Variants in DLG2 observed in about 807,000 individuals in gnomAD.
The protein encoded by DLG2 is disks large homolog 2.
In DLG2, 45 loss-of-function variants were observed where a neutral mutation model predicts 132.5. The observed-to-expected ratio is 0.34, with a 90% CI of 0.27 to 0.44. DLG2 has a LOEUF of 0.44. DLG2 is among the 20% of genes least tolerant of loss of function. The pLI is 1.00. For missense variants in DLG2, 1,045 were observed against 1,196.9 expected (o/e 0.87, Z 1.87); for synonymous variants, 424 against 419.6 (o/e 1.01, Z -0.13).
chr11:83,910,934 A>G (rs1283410941), intron 15 of DLG2, among the ~76,000 whole-genome samples: 3 of 152,128 alleles, frequency 2.0e-5, no homozygotes, highest in African/African-American at 7.2e-5. Context: ...CAAGAGGTTT[A>G]CATTAATATA....
intron 7 of DLG2, among the ~76,000 whole-genome samples, chr11:84,449,832 A>C (rs936144635): frequency 6.6e-6 from 1 of 151,910 alleles, no homozygotes; most frequent in Non-Finnish European, 1.5e-5. Context: ...TAAATAACAC[A>C]ATAAAAATAA....
intron 3 of DLG2, among the ~76,000 whole-genome samples, chr11:85,529,753 C>T (rs1357613728): frequency 1.3e-5 from 2 of 152,126 alleles, no homozygotes; most frequent in Non-Finnish European, 2.9e-5. Flanking sequence ...ACTTTCCTTT[C>T]CTCAAACACT....
intron 6 of DLG2, chr11:84,545,636 T>C (rs2099388116): frequency 3.2e-6 from 1 of 314,688 alleles, no homozygotes; most frequent in Admixed American, 3.3e-5. Context: ...CATAGAGTCA[T>C]GGTCCTTAAG....
chr11:84,182,862 G>GA (rs200692623), intron 8 of DLG2, among the ~76,000 whole-genome samples: 5 of 150,408 alleles, frequency 3.3e-5, no homozygotes, highest in African/African-American at 9.8e-5. Flanking sequence ...GGCTAATTAA[G>GA]AAAAAAAATG....
chr11:83,707,927 G>C (rs1566633094), intron 18 of DLG2, among the ~76,000 whole-genome samples: 1 of 152,162 alleles, frequency 6.6e-6, no homozygotes, highest in Non-Finnish European at 1.5e-5. Flanking sequence ...GCCTGAGTTA[G>C]AGTCCCACCT....
intron 6 of DLG2, among the ~76,000 whole-genome samples, chr11:84,775,876 G>T (rs1444637036): frequency 1.3e-5 from 2 of 152,106 alleles, no homozygotes; most frequent in Admixed American, 1.3e-4. Context: ...CCATGTACCC[G>T]CAGAATCTAA....
chr11:84,177,671 C>G (rs2096007315), intron 8 of DLG2, among the ~76,000 whole-genome samples: 2 of 152,146 alleles, frequency 1.3e-5, no homozygotes, highest in Admixed American at 1.3e-4. Context: ...CTAAGTTTGA[C>G]TCTGCCAGTT....
At chr11:83,974,972 G>A (rs928111697) in intron 12 of DLG2, among the ~76,000 whole-genome samples, 6 of 152,114 alleles carry the variant, frequency 3.9e-5, no homozygotes, top group Admixed American at 3.9e-4. Context: ...TTCTTCAAAT[G>A]TCGAGCAGGG....
intron 7 of DLG2, among the ~76,000 whole-genome samples, chr11:84,510,509 C>G (rs1342212707): frequency 6.6e-6 from 1 of 152,104 alleles, no homozygotes; most frequent in East Asian, 1.9e-4. Flanking sequence ...TACTACTAAC[C>G]TTGTATGATT....
intron 15 of DLG2, among the ~76,000 whole-genome samples, chr11:83,885,995 T>C (rs2067749864): frequency 6.6e-6 from 1 of 152,202 alleles, no homozygotes; most frequent in South Asian, 2.1e-4. Flanking sequence ...TGAAAAATCA[T>C]GCCAAATTGT....
chr11:84,230,157 T>C (rs1055318165), intron 8 of DLG2, among the ~76,000 whole-genome samples: 3 of 152,230 alleles, frequency 2.0e-5, no homozygotes, highest in Non-Finnish European at 4.4e-5. Flanking sequence ...CCTGTCATGA[T>C]AGAACAGTAA....
intron 15 of DLG2, among the ~76,000 whole-genome samples, chr11:83,923,493 T>C (rs960728536): frequency 1.6e-4 from 25 of 152,126 alleles, no homozygotes; most frequent in Non-Finnish European, 4.4e-5. Context: ...ACCTTGCCAC[T>C]ACCTCAAACA....
intron 22 of DLG2, chr11:83,483,301 G>T: frequency 1.2e-6 from 2 of 1,611,366 alleles, no homozygotes; most frequent in Non-Finnish European, 1.7e-6. Flanking sequence ...GGGATGTCCT[G>T]CATGGAAGTC....
At chr11:83,702,263 G>T (rs2083091172) in intron 18 of DLG2, among the ~76,000 whole-genome samples, 1 of 152,102 alleles carries the variant, frequency 6.6e-6, no homozygotes, top group South Asian at 2.1e-4. Flanking sequence ...ATGGGGTGTG[G>T]TGAAATGACC....
chr11:84,060,484 G>A (rs537522998), intron 10 of DLG2, among the ~76,000 whole-genome samples: 10 of 150,784 alleles, frequency 6.6e-5, no homozygotes, highest in African/African-American at 2.4e-4. Flanking sequence ...CCTGTTCCTA[G>A]GTGCTTACTT....
intron 16 of DLG2, among the ~76,000 whole-genome samples, chr11:83,865,100 C>T (rs970181357): frequency 6.6e-6 from 1 of 152,152 alleles, no homozygotes; most frequent in African/African-American, 2.4e-5. Context: ...ACCCCTCTGA[C>T]CACGACTTTT....
chr11:83,670,438 A>G (rs1213405633), intron 18 of DLG2, among the ~76,000 whole-genome samples: 2 of 152,126 alleles, frequency 1.3e-5, no homozygotes, highest in African/African-American at 4.8e-5. Context: ...CTTCTTGGTC[A>G]CCATGATAGG....
chr11:84,043,120 C>T (rs2096137813), intron 11 of DLG2, among the ~76,000 whole-genome samples: 1 of 150,648 alleles, frequency 6.6e-6, no homozygotes, highest in Non-Finnish European at 1.5e-5. Context: ...AAATTTATTG[C>T]TTAAATTTAT....
intron 7 of DLG2, among the ~76,000 whole-genome samples, chr11:84,497,927 C>A (rs2154501429): frequency 6.6e-6 from 1 of 152,212 alleles, no homozygotes; most frequent in Middle Eastern, 3.4e-3. Context: ...AACCAACTGG[C>A]AATCAAGATA....
Sources: gnomAD v4.1 joint callset for allele counts (sites outside exome capture counted in the v4.1 genomes callset) on GRCh38, gnomAD v4.1.1 for gene constraint, MANE v1.5 for transcripts, NCBI Gene and HGNC (gene_info 2026-07-23, HGNC 2026-07-21) for gene names.